PPP2R2B: variants seen among roughly 807,000 people sequenced by gnomAD.
PPP2R2B encodes the protein protein phosphatase 2 regulatory subunit Bbeta.
Under a neutral mutation model 46.0 loss-of-function variants are expected in PPP2R2B, and 5 were observed. The observed-to-expected ratio is 0.11, with a 90% confidence interval of 0.06 to 0.23. The LOEUF (loss-of-function observed/expected upper bound fraction) is 0.23. Among genes scored for constraint, PPP2R2B ranks in the 10% least tolerant of loss-of-function variants. The probability of loss-of-function intolerance (pLI) is 1.00; values close to 1 mark genes in which losing one functional copy is unlikely to be tolerated. For synonymous variants in PPP2R2B, 215 were observed against 206.7 expected (o/e 1.04, Z -0.34); for missense variants, 367 against 575.0 (o/e 0.64, Z 3.70).
At chr5:146,685,007 C>T (rs1778402647) in intron 5 of PPP2R2B, among the ~76,000 whole-genome samples, 3 of 152,154 alleles carry the variant, frequency 2.0e-5, no homozygotes. Context: ...CTTGTCTCCT[C>T]CATGCCCCCT....
intron 2 of PPP2R2B, among the ~76,000 whole-genome samples, chr5:146,857,548 AAG>A (rs1158639269): frequency 2.6e-5 from 4 of 152,230 alleles, no homozygotes; most frequent in Non-Finnish European, 5.9e-5. Context: ...GATTATTTAA[AAG>A]AGATAAAATC....
chr5:146,701,324 C>T, intron 2 of PPP2R2B, 182 bp from the exon 3 acceptor site: 4 of 744,080 alleles, frequency 5.4e-6, no homozygotes, highest in Non-Finnish European at 9.8e-6. Context: ...AGTAAATTTC[C>T]TAGATGCCCA....
intron 2 of PPP2R2B, among the ~76,000 whole-genome samples, chr5:146,759,925 A>G (rs1379813589): frequency 6.6e-6 from 1 of 152,168 alleles, no homozygotes; most frequent in Non-Finnish European, 1.5e-5. Flanking sequence ...TGATGTGCCA[A>G]TAGTGTATTA....
chr5:146,862,763 A>T (rs1404057958), intron 2 of PPP2R2B, among the ~76,000 whole-genome samples: 6 of 142,736 alleles, frequency 4.2e-5, no homozygotes, highest in African/African-American at 1.3e-4. Flanking sequence ...AGAAAAGTAA[A>T]TTTTTTTTTT....
intron 2 of PPP2R2B, among the ~76,000 whole-genome samples, chr5:146,736,674 A>G (rs1400261762): frequency 1.3e-5 from 2 of 152,126 alleles, no homozygotes; most frequent in Admixed American, 1.3e-4. Flanking sequence ...GGTACATCCC[A>G]CAATTGGTAT....
At chr5:146,887,448 A>G (rs1321527489) in intron 1 of PPP2R2B, among the ~76,000 whole-genome samples, 1 of 152,190 alleles carries the variant, frequency 6.6e-6, no homozygotes, top group African/African-American at 2.4e-5. Flanking sequence ...AAGCCTCAAA[A>G]CTATTTAAAG....
intron 2 of PPP2R2B, among the ~76,000 whole-genome samples, chr5:146,750,932 C>G (rs1368089017): frequency 6.6e-6 from 1 of 152,164 alleles, no homozygotes; most frequent in Non-Finnish European, 1.5e-5. Context: ...ACATACACTC[C>G]AGCTGGAGCA....
chr5:146,955,141 C>T (rs551253942), intron 1 of PPP2R2B, among the ~76,000 whole-genome samples: 1 of 152,078 alleles, frequency 6.6e-6, no homozygotes, highest in South Asian at 2.1e-4. Context: ...TTACCAAGAG[C>T]TCATACTCTA....
intron 2 of PPP2R2B, among the ~76,000 whole-genome samples, chr5:147,065,743 G>A (rs76906150): frequency 7.9e-5 from 12 of 152,202 alleles, no homozygotes; most frequent in Non-Finnish European, 1.6e-4. Flanking sequence ...GTTGAAGGAA[G>A]TTAGGAAGGC....
intron 2 of PPP2R2B, among the ~76,000 whole-genome samples, chr5:146,830,867 C>T (rs1758883433): frequency 6.6e-6 from 1 of 152,164 alleles, no homozygotes; most frequent in Admixed American, 6.5e-5. Context: ...CAATTATGTA[C>T]TGCATAACAA....
chr5:146,895,879 T>C (rs916759222), intron 1 of PPP2R2B, among the ~76,000 whole-genome samples: 1 of 152,202 alleles, frequency 6.6e-6, no homozygotes, highest in Admixed American at 6.5e-5. Context: ...AATTCCATAA[T>C]GTGTACATAA....
intron 2 of PPP2R2B, chr5:146,706,874 A>G (rs1019384536): frequency 1.7e-4 from 207 of 1,253,440 alleles, no homozygotes; most frequent in Non-Finnish European, 2.3e-4. Context: ...GCTGTTGTCA[A>G]TGGACAGCAC....
chr5:147,032,831 A>G (rs1755854836), intron 1 of PPP2R2B, among the ~76,000 whole-genome samples: 1 of 152,208 alleles, frequency 6.6e-6, no homozygotes, highest in Non-Finnish European at 1.5e-5. Flanking sequence ...GTGTGCAAGT[A>G]TCTTTTTCGA....
chr5:146,623,549 A>AT (rs1484765931), intron 7 of PPP2R2B, among the ~76,000 whole-genome samples: 2 of 152,090 alleles, frequency 1.3e-5, no homozygotes, highest in East Asian at 3.9e-4. Flanking sequence ...TGATGATTCT[A>AT]TTTTTCTCAT....
At chr5:146,956,761 CCAAGATCAAGGG>C (rs1751931467) in intron 1 of PPP2R2B, among the ~76,000 whole-genome samples, 1 of 152,154 alleles carries the variant, frequency 6.6e-6, no homozygotes, top group Non-Finnish European at 1.5e-5. Context: ...GGCTGGAAGT[CCAAGATCAAGGG>C]GCCAGCAGAT....
chr5:146,658,636 C>T lies in PPP2R2B; in HGVS notation c.448-7912G>A, dbSNP rs74388501. On this transcript the variant is annotated intron_variant, in intron 5 of 9. Transcript: ENST00000394411. ...TCTTCGTTCCTAACTTCCATGTTCT[C>T]CTTCCTAAAATCAGATCTTCTCAGG... Among the ~76,000 whole-genome samples, 1,160 of 152,248 alleles carry T rather than the reference C, an allele frequency of 7.6e-3. 12 individuals carry two copies. Among genetic ancestry groups the T allele is most frequent in the African/African-American group, 0.012 (511 of 41,556 alleles).
At chr5:146,622,355 T>A (rs1040432820) in intron 7 of PPP2R2B, among the ~76,000 whole-genome samples, 7 of 152,182 alleles carry the variant, frequency 4.6e-5, no homozygotes, top group African/African-American at 1.7e-4. Flanking sequence ...GTGCCATTAT[T>A]GTCCCCATTT....
At chr5:146,643,844 AGT>A (rs911704531) in intron 6 of PPP2R2B, among the ~76,000 whole-genome samples, 83 of 152,372 alleles carry the variant, frequency 5.4e-4, no homozygotes, top group African/African-American at 1.9e-3. Flanking sequence ...GATAGAAAAA[AGT>A]GTGAGTCCAT....
chr5:146,976,930 G>A (rs1263362908), intron 1 of PPP2R2B, among the ~76,000 whole-genome samples: 2 of 152,066 alleles, frequency 1.3e-5, no homozygotes, highest in African/African-American at 4.8e-5. Flanking sequence ...GAACAGGATT[G>A]ACGTTTTATA....
Sources: gnomAD v4.1 joint callset for allele counts (sites outside exome capture counted in the v4.1 genomes callset) on GRCh38, gnomAD v4.1.1 for gene constraint, MANE v1.5 for transcripts, NCBI Gene and HGNC (gene_info 2026-07-23, HGNC 2026-07-21) for gene names.